CNTNAP3B: variants seen among roughly 807,000 people sequenced by gnomAD.
The protein encoded by CNTNAP3B is contactin-associated protein-like 3B.
CNTNAP3B carries 25 observed loss-of-function variants against 108.9 expected under a neutral mutation model. The observed-to-expected ratio is 0.23, with a 90% CI of 0.17 to 0.32. The LOEUF is 0.32. Among genes scored for constraint, CNTNAP3B ranks in the 10% least tolerant of loss-of-function variants. CNTNAP3B has a pLI of 1.00. For synonymous variants in CNTNAP3B, 103 were observed against 473.4 expected, an observed-to-expected ratio of 0.22 and a Z score of 10.16; for missense variants, 252 against 1,210.4, an observed-to-expected ratio of 0.21 and a Z score of 11.75.
intron 3 of CNTNAP3B, among the ~76,000 whole-genome samples, chr9:42,058,457 G>T (rs1282510481): frequency 2.8e-5 from 4 of 141,554 alleles, no homozygotes; most frequent in Admixed American, 7.0e-5. Flanking sequence ...GCATTTCCCC[G>T]ATGATTTGTG....
intron 15 of CNTNAP3B, among the ~76,000 whole-genome samples, chr9:41,928,495 C>A (rs1454761255): frequency 3.9e-5 from 6 of 152,062 alleles, no homozygotes; most frequent in Admixed American, 2.6e-4. Context: ...AACTACTTAG[C>A]TGCCTACACG....
chr9:41,928,728 T>C (rs1408773714), intron 15 of CNTNAP3B, among the ~76,000 whole-genome samples: 54 of 149,388 alleles, frequency 3.6e-4, no homozygotes, highest in African/African-American at 1.3e-3. Flanking sequence ...ACAATTTTTC[T>C]CAGGGAAAGA....
chr9:41,936,486 G>T (rs1348653952), intron 14 of CNTNAP3B, among the ~76,000 whole-genome samples: 6 of 152,264 alleles, frequency 3.9e-5, no homozygotes, highest in Non-Finnish European at 5.9e-5. Context: ...GGAGCCCCTT[G>T]TGGAATGGAG....
rs1326999828 is a variant in CNTNAP3B, at chr9:42,096,192, A to G, written c.196+8437T>C. On this transcript the variant is annotated intron_variant, in intron 2 of 23. Transcript: ENST00000377561. Reference sequence around the variant, plus strand: ...CTTGGAGACTGGCGTTCTCCTTTCCACTACACACTTGAGAGTGCCCACTCA... The same window carrying G: ...CTTGGAGACTGGCGTTCTCCTTTCCGCTACACACTTGAGAGTGCCCACTCA... 1.4e-5 allele frequency among the ~76,000 whole-genome samples: 2 copies of G among 138,594 alleles called. 1 individual carries two copies. Among genetic ancestry groups the G allele is most frequent in the African/African-American group, 5.8e-5 (2 of 34,718 alleles). The allele number at this position is 138,594 out of a possible 152,430, so 90.9% of individuals were successfully genotyped here. A position where few individuals can be genotyped will look rare whatever the true frequency, so the allele number is the denominator to read the frequency against.
chr9:41,961,124 G>A (rs911285488), intron 11 of CNTNAP3B, among the ~76,000 whole-genome samples: 1 of 152,310 alleles, frequency 6.6e-6, no homozygotes, highest in Admixed American at 6.5e-5. Flanking sequence ...ACATTCAAAT[G>A]TTGGATGTTG....
chr9:41,943,526 G>A (rs566562601), intron 13 of CNTNAP3B, among the ~76,000 whole-genome samples: 67 of 151,946 alleles, frequency 4.4e-4, no homozygotes, highest in African/African-American at 1.6e-3. Flanking sequence ...CTAATTTTTT[G>A]TATTTTTAGT....
At chr9:41,941,731 T>C (rs1459690860) in intron 13 of CNTNAP3B, among the ~76,000 whole-genome samples, 5 of 145,602 alleles carry the variant, frequency 3.4e-5, no homozygotes, top group Admixed American at 3.4e-4. Flanking sequence ...CCAAAGCAGA[T>C]GGTGGAGTCT....
chr9:42,126,872 G>T (rs1250874561), intron 1 of CNTNAP3B, among the ~76,000 whole-genome samples: 20 of 139,350 alleles, frequency 1.4e-4, no homozygotes, highest in African/African-American at 5.4e-4. Context: ...GCCCGGCCTA[G>T]AGAGCTCTTC....
At chr9:41,968,330 G>A (rs1357301394) in intron 10 of CNTNAP3B, among the ~76,000 whole-genome samples, 2 of 141,130 alleles carry the variant, frequency 1.4e-5, no homozygotes, top group Non-Finnish European at 3.1e-5. Context: ...GAGCTCCCTG[G>A]CTAGTTAGCT....
In CNTNAP3B at chr9:42,117,499, C is replaced by A. The variant is rs536105644; in HGVS notation, c.85+11511G>T. Among the ~76,000 whole-genome samples the A allele has an allele frequency of 2.7e-4, 38 of 141,468 alleles. 2 individuals are homozygous for A. The highest frequency in any genetic ancestry group is 1.1e-3 in the African/African-American group (38 of 36,092). 92.8% of individuals were successfully genotyped at this position (141,468 alleles called of 152,430 possible). The stretch of plus-strand genomic sequence containing the variant: ...CAATGAGAACAAACACACAACATAC[C>A]AGAATCTCTGGGACACATTTAAAGC... On this transcript the variant is annotated intron_variant, in intron 1 of 23. Transcript: ENST00000377561.
At chr9:42,019,576 A>C in intron 3 of CNTNAP3B, among the ~76,000 whole-genome samples, 1 of 78,576 alleles carries the variant, frequency 1.3e-5, no homozygotes. Flanking sequence ...ATATGGTGAA[A>C]CCTCATCTCT....
At chr9:41,957,925 TAA>T in intron 12 of CNTNAP3B, among the ~76,000 whole-genome samples, 1 of 152,120 alleles carries the variant, frequency 6.6e-6, no homozygotes, top group Non-Finnish European at 1.5e-5. Flanking sequence ...TACGCCCGGC[TAA>T]TTTTGTTTGT....
intron 2 of CNTNAP3B, among the ~76,000 whole-genome samples, chr9:42,091,115 T>C (rs943413737): frequency 8.7e-5 from 3 of 34,618 alleles, no homozygotes; most frequent in Non-Finnish European, 1.2e-4. Context: ...AAATTATATA[T>C]ACAAAATTAA....
intron 3 of CNTNAP3B, among the ~76,000 whole-genome samples, chr9:42,058,298 C>A (rs1181048691): frequency 6.6e-6 from 1 of 152,206 alleles, no homozygotes; most frequent in Non-Finnish European, 1.5e-5. Flanking sequence ...CCACTGCTTT[C>A]CATAATGGAT....
At chr9:42,125,769 A>G (rs1038923644) in intron 1 of CNTNAP3B, among the ~76,000 whole-genome samples, 1 of 127,670 alleles carries the variant, frequency 7.8e-6, no homozygotes, top group Non-Finnish European at 1.6e-5. Context: ...GGCACCTGCC[A>G]CCATGCCCTG....
intron 17 of CNTNAP3B, among the ~76,000 whole-genome samples, chr9:41,921,264 A>T (rs879603823): frequency 1.4e-3 from 208 of 152,262 alleles, no homozygotes; most frequent in Non-Finnish European, 2.3e-3. Context: ...AAGTGAGAAA[A>T]TCAAGTTCTT....
At position 41,953,177 on chromosome 9, in the gene CNTNAP3B, G is replaced by T. The variant is rs1464230745; in HGVS notation, c.2080+6C>A. The stretch of plus-strand genomic sequence containing the variant: ...AGCCCCTGTAGCCTCCAGCAGTGGC[G>T]CTTACCTCGTGAGTCCGGGCGCCGC... On this transcript the variant is annotated splice_donor_region_variant and intron_variant, in intron 13 of 23. Coordinates refer to ENST00000377561, the MANE Select transcript of CNTNAP3B (RefSeq NM_001201380.3). 5 of 1,518,724 alleles carry T rather than the reference G, an allele frequency of 3.3e-6. No homozygotes were observed. The highest frequency in any genetic ancestry group is 4.4e-6 in the Non-Finnish European group (5 of 1,142,630). The allele number at this position is 1,518,724 out of a possible 1,614,324, so 94.1% of individuals were successfully genotyped here.
At chr9:41,950,748 T>C (rs1390986337) in intron 13 of CNTNAP3B, among the ~76,000 whole-genome samples, 1 of 2,144 alleles carries the variant, frequency 4.7e-4, no homozygotes, top group Non-Finnish European at 1.4e-3. Context: ...GGAGGAATTC[T>C]TTTTTTTTTT....
At chr9:42,036,397 T>C (rs1826631839) in intron 3 of CNTNAP3B, among the ~76,000 whole-genome samples, 1 of 140,312 alleles carries the variant, frequency 7.1e-6, no homozygotes, top group South Asian at 2.3e-4. Context: ...CTCCAACTTC[T>C]TTTTTCACTT....
Sources: gnomAD v4.1 joint callset for allele counts (sites outside exome capture counted in the v4.1 genomes callset) on GRCh38, gnomAD v4.1.1 for gene constraint, MANE v1.5 for transcripts, NCBI Gene and HGNC (gene_info 2026-07-23, HGNC 2026-07-21) for gene names.